CRIM1: variants seen among roughly 807,000 people sequenced by gnomAD.
CRIM1 encodes cysteine-rich motor neuron 1 protein.
In CRIM1, 32 loss-of-function variants were observed where a neutral mutation model predicts 116.4. The observed-to-expected ratio is 0.27, with a 90% CI of 0.21 to 0.37. CRIM1 has a LOEUF of 0.37. Ranked by LOEUF, CRIM1 falls within the 10% of genes least tolerant of loss-of-function variation. The pLI is 1.00. For missense variants in CRIM1, 1,331 were observed against 1,354.8 expected, an observed-to-expected ratio of 0.98 and a Z score of 0.28; for synonymous variants, 590 against 509.2, an observed-to-expected ratio of 1.16 and a Z score of -2.13.
chr2:36,497,953 C>G (rs960795464), intron 7 of CRIM1, among the ~76,000 whole-genome samples: 3 of 152,156 alleles, frequency 2.0e-5, no homozygotes, highest in African/African-American at 7.2e-5. Flanking sequence ...AGGTTGGGAA[C>G]CTCTGTTCTG....
At chr2:36,439,930 T>C (rs931351251) in intron 2 of CRIM1, among the ~76,000 whole-genome samples, 2 of 152,206 alleles carry the variant, frequency 1.3e-5, no homozygotes, top group African/African-American at 4.8e-5. Context: ...CCCAAGCTGC[T>C]GAAGCAACAG....
intron 1 of CRIM1, among the ~76,000 whole-genome samples, chr2:36,363,585 T>G (rs1408960198): frequency 1.4e-5 from 2 of 143,826 alleles, no homozygotes; most frequent in Non-Finnish European, 3.0e-5. Flanking sequence ...TCTACAAAGT[T>G]TGTATATTTT....
chr2:36,382,360 C>A (rs1265691598), intron 1 of CRIM1, among the ~76,000 whole-genome samples: 1 of 152,226 alleles, frequency 6.6e-6, no homozygotes, highest in African/African-American at 2.4e-5. Context: ...GCTGCCATAC[C>A]TGAAGGGCTT....
intron 7 of CRIM1, among the ~76,000 whole-genome samples, chr2:36,491,805 C>G (rs947095455): frequency 2.0e-5 from 3 of 152,202 alleles, no homozygotes; most frequent in African/African-American, 7.2e-5. Flanking sequence ...AATGTGCACA[C>G]ACACAAACCC....
chr2:36,541,272 C>A (rs1310196823), intron 14 of CRIM1, among the ~76,000 whole-genome samples: 2 of 152,138 alleles, frequency 1.3e-5, no homozygotes, highest in African/African-American at 4.8e-5. Context: ...GGGAGCACTT[C>A]CCGGTCTGTC....
chr2:36,512,247 C>G (rs1467525263), intron 9 of CRIM1, 26 bp from the exon 10 acceptor site: 1 of 1,606,236 alleles, frequency 6.2e-7, no homozygotes, highest in Non-Finnish European at 8.5e-7. Context: ...GATTTTCTGA[C>G]CTCTGACAAA....
At position 36,402,340 on chromosome 2, in the gene CRIM1, A is replaced by G. The variant is rs929653832; in HGVS notation, c.505+5553A>G. On this transcript the variant is annotated intron_variant, in intron 2 of 16. Transcript: ENST00000280527. ...GAGTTTGCCTTATGATGACCTGAGG[A>G]GAGAGAATTCCATATGGACGGAACA... is the stretch of plus-strand genomic sequence containing the variant. Among the ~76,000 whole-genome samples the G allele has an allele frequency of 3.3e-5, 5 of 151,642 alleles. No homozygotes were observed. In the South Asian group the frequency reaches 6.3e-4, roughly 19 times the overall value.
chr2:36,532,902 G>A (rs1050584689), intron 13 of CRIM1, among the ~76,000 whole-genome samples: 18 of 152,278 alleles, frequency 1.2e-4, no homozygotes, highest in Non-Finnish European at 2.5e-4. Context: ...TGGAAGTTAC[G>A]ATTATTATTA....
chr2:36,372,333 A>T (rs1054923919), intron 1 of CRIM1, among the ~76,000 whole-genome samples: 1 of 152,154 alleles, frequency 6.6e-6, no homozygotes, highest in Non-Finnish European at 1.5e-5. Flanking sequence ...TAGTGGCTGG[A>T]GCCCCAACTT....
At chr2:36,358,017 G>C (rs1422903356) in intron 1 of CRIM1, among the ~76,000 whole-genome samples, 3 of 152,182 alleles carry the variant, frequency 2.0e-5, no homozygotes, top group African/African-American at 7.2e-5. Context: ...GACAGTTCAG[G>C]AAAATAGGGG....
At chr2:36,512,955 G>A (rs369137041) in intron 10 of CRIM1, among the ~76,000 whole-genome samples, 5 of 152,170 alleles carry the variant, frequency 3.3e-5, no homozygotes, top group East Asian at 1.9e-4. Flanking sequence ...CCTGACCGCC[G>A]TTTCTGCCTT....
chr2:36,369,447 G>A (rs1669806156), intron 1 of CRIM1, among the ~76,000 whole-genome samples: 1 of 152,128 alleles, frequency 6.6e-6, no homozygotes, highest in African/African-American at 2.4e-5. Context: ...TCCAGCTACT[G>A]GGCAACCCAG....
chr2:36,442,778 A>G (rs1558589885), intron 4 of CRIM1, 43 bp downstream of exon 4: 1 of 1,612,186 alleles, frequency 6.2e-7, no homozygotes, highest in Non-Finnish European at 8.5e-7. Context: ...CTCATTTGTT[A>G]GCATCATCTA....
At chr2:36,451,983 A>G (rs1572763221) in intron 4 of CRIM1, among the ~76,000 whole-genome samples, 1 of 152,206 alleles carries the variant, frequency 6.6e-6, no homozygotes, top group African/African-American at 2.4e-5. Context: ...TGCCTACTCA[A>G]GCTAACCAGT....
At position 36,462,258 on chromosome 2, in the gene CRIM1, GT is replaced by G. The variant is rs571346786; in HGVS notation, c.870-2273del. Among the ~76,000 whole-genome samples the G allele has an allele frequency of 9.2e-5, 14 of 152,246 alleles. 1 individual carries two copies. The South Asian group carries it at 2.9e-3, about 32-fold the overall frequency. ...GTTAGGAAGACGTAATGCATATAAT[GT>G]TTACTCTTTGGGTGACAGGTACACT... On this transcript the variant is annotated intron_variant, in intron 4 of 16. Coordinates refer to ENST00000280527, the MANE Select transcript of CRIM1 (RefSeq NM_016441.3).
At chr2:36,408,319 G>A (rs942702177) in intron 2 of CRIM1, among the ~76,000 whole-genome samples, 1 of 152,142 alleles carries the variant, frequency 6.6e-6, no homozygotes, top group Non-Finnish European at 1.5e-5. Context: ...ACTCCTGCGC[G>A]TGTTTGTGGT....
At chr2:36,444,755 AG>A (rs990182604) in intron 4 of CRIM1, among the ~76,000 whole-genome samples, 36 of 152,330 alleles carry the variant, frequency 2.4e-4, no homozygotes, top group African/African-American at 8.4e-4. Context: ...CGCTTTGAAC[AG>A]GGTCTCCTCC....
chr2:36,383,257 A>T (rs1405653767), intron 1 of CRIM1, among the ~76,000 whole-genome samples: 1 of 152,198 alleles, frequency 6.6e-6, no homozygotes, highest in East Asian at 1.9e-4. Context: ...TTATGCCTAC[A>T]TGTGTTCTAA....
In CRIM1 at chr2:36,499,536, T is replaced by G. The variant is rs1680841477; in HGVS notation, c.1501+189T>G. ...TTGGGAGAAAGGAGCTGCTGCTTTA[T>G]TGTGTTTTTTTCTCTGTTTCCTTGA... is the stretch of plus-strand genomic sequence containing the variant. On this transcript the variant is annotated intron_variant, in intron 8 of 16. Transcript: ENST00000280527. 5.4e-6 allele frequency: 3 copies of G among 557,250 alleles called. No homozygotes were observed. The South Asian group carries it at 6.9e-5, about 13-fold the overall frequency. 34.5% of individuals were successfully genotyped at this position (557,250 alleles called of 1,614,324 possible). A position where few individuals can be genotyped will look rare whatever the true frequency, so the allele number is the denominator to read the frequency against.
Sources: allele counts gnomAD v4.1 joint callset (sites outside exome capture counted in the v4.1 genomes callset), GRCh38; gene constraint gnomAD v4.1.1; transcripts MANE v1.5; gene names NCBI Gene and HGNC (gene_info 2026-07-23, HGNC 2026-07-21).